Variants in DDX10 observed in about 807,000 individuals in gnomAD.
The protein encoded by DDX10 is probable ATP-dependent RNA helicase DDX10.
A neutral mutation model predicts 104.3 loss-of-function variants in DDX10; 74 were observed. That is an observed-to-expected ratio of 0.71 (90% CI 0.59 to 0.86). The LOEUF (loss-of-function observed/expected upper bound fraction) is 0.86. Ranked by LOEUF, DDX10 falls within the 40% of genes least tolerant of loss-of-function variation. DDX10 has a pLI of 0.00. For synonymous variants in DDX10, 351 were observed against 353.4 expected (o/e 0.99, Z 0.08); for missense variants, 952 against 1,040.0 (o/e 0.92, Z 1.16).
At chr11:108,861,578 G>T (rs551789690) in intron 16 of DDX10, among the ~76,000 whole-genome samples, 1 of 152,068 alleles carries the variant, frequency 6.6e-6, no homozygotes, top group Non-Finnish European at 1.5e-5. Context: ...TTACATAAAG[G>T]TTTTTTTGTA....
At chr11:108,799,664 G>A (rs1861992425) in intron 13 of DDX10, among the ~76,000 whole-genome samples, 1 of 152,136 alleles carries the variant, frequency 6.6e-6, no homozygotes, top group African/African-American at 2.4e-5. Flanking sequence ...GTCTGAGTTT[G>A]TTTCCTTCTT....
chr11:108,791,330 G>T (rs1272531273), intron 13 of DDX10, among the ~76,000 whole-genome samples: 1 of 152,208 alleles, frequency 6.6e-6, no homozygotes, highest in Non-Finnish European at 1.5e-5. Flanking sequence ...ATGCTGTGTG[G>T]ATTATGGAGA....
At chr11:108,772,748 G>A (rs1398225689) in intron 13 of DDX10, among the ~76,000 whole-genome samples, 4 of 152,208 alleles carry the variant, frequency 2.6e-5, no homozygotes, top group Non-Finnish European at 4.4e-5. Context: ...ATCAGCAGCG[G>A]CATTAGATTC....
intron 17 of DDX10, among the ~76,000 whole-genome samples, chr11:108,934,708 A>G (rs935040091): frequency 1.5e-4 from 23 of 152,268 alleles, no homozygotes. Context: ...CTGTCCATTG[A>G]CAGGGCGTTA....
At chr11:108,671,558 ACT>A (rs1408448942) in intron 1 of DDX10, among the ~76,000 whole-genome samples, 1 of 151,968 alleles carries the variant, frequency 6.6e-6, no homozygotes, top group Non-Finnish European at 1.5e-5. Flanking sequence ...GGGTCAGCAA[ACT>A]CTTTTTCTGT....
rs1367210027 is a variant in DDX10, at chr11:108,718,968, C to T, written c.1411-829C>T. On this transcript the variant is annotated intron_variant, in intron 11 of 17. Transcript: ENST00000322536. Reference sequence around the variant, plus strand: ...ACATGAAGTTTAGGAAGTATGCAAACAGGAACTAAATATACTTTACAAAAG... The same window carrying T: ...ACATGAAGTTTAGGAAGTATGCAAATAGGAACTAAATATACTTTACAAAAG... Among the ~76,000 whole-genome samples, 4 of 152,162 alleles carry T rather than the reference C, an allele frequency of 2.6e-5. No individual in the cohort carries two copies. In the East Asian group the frequency reaches 7.7e-4, roughly 29 times the overall value.
chr11:108,728,504 CTTTTTTTTTTTTTTT>C (rs71050884), intron 13 of DDX10, among the ~76,000 whole-genome samples: 1,355 of 121,804 alleles, frequency 0.011, 13 homozygotes, highest in Non-Finnish European at 0.016. Context: ...CACATTTGTT[CTTTTTTTTTTTTTTT>C]TTTTTTTTTT....
At chr11:108,901,524 A>G (rs71489928) in intron 16 of DDX10, among the ~76,000 whole-genome samples, 19,326 of 152,184 alleles carry the variant, frequency 0.13, 1,442 homozygotes, top group East Asian at 0.25. Context: ...CCTGCATCCT[A>G]GAGTACAGAT....
chr11:108,770,996 G>A (rs527285925), intron 13 of DDX10, among the ~76,000 whole-genome samples: 16 of 151,992 alleles, frequency 1.1e-4, no homozygotes, highest in South Asian at 4.2e-4. Context: ...TTTTCTCCAC[G>A]TCCTCACCAG....
chr11:108,770,170 G>A (rs1193347659), intron 13 of DDX10, among the ~76,000 whole-genome samples: 5 of 152,136 alleles, frequency 3.3e-5, no homozygotes, highest in South Asian at 2.1e-4. Flanking sequence ...TTGTGGGTAC[G>A]TAGGTGCATA....
In DDX10 at chr11:108,902,489, A is replaced by T. The variant is rs556668585; in HGVS notation, c.2305-15384A>T. ...TATAAACTATGTCATTGAGAAAGTT[A>T]TTTGGCCCCTTTAAATCTCAGTTTT... On this transcript the variant is annotated intron_variant, in intron 16 of 17. Coordinates refer to ENST00000322536, the MANE Select transcript of DDX10 (RefSeq NM_004398.4). Among the ~76,000 whole-genome samples the T allele has an allele frequency of 2.6e-5, 4 of 152,158 alleles. No homozygotes were observed. In the South Asian group the frequency reaches 8.3e-4, roughly 31 times the overall value.
intron 13 of DDX10, among the ~76,000 whole-genome samples, chr11:108,818,749 C>G (rs1032382137): frequency 1.4e-4 from 21 of 152,180 alleles, no homozygotes; most frequent in African/African-American, 4.1e-4. Flanking sequence ...AACATACTAA[C>G]TTGGAAATGA....
chr11:108,861,263 G>C (rs1053198825), intron 16 of DDX10, among the ~76,000 whole-genome samples: 1 of 152,030 alleles, frequency 6.6e-6, no homozygotes, highest in Non-Finnish European at 1.5e-5. Context: ...TGCCCTGGAC[G>C]TGCCTGCCTA....
intron 13 of DDX10, among the ~76,000 whole-genome samples, chr11:108,802,481 C>T (rs2615761): frequency 0.12 from 18,583 of 152,122 alleles, 1,544 homozygotes; most frequent in East Asian, 0.27. Flanking sequence ...AAAGGTGAGG[C>T]GTCTAATGTC....
chr11:108,863,497 T>G (rs1485564802), intron 16 of DDX10, among the ~76,000 whole-genome samples: 1 of 152,250 alleles, frequency 6.6e-6, no homozygotes, highest in Non-Finnish European at 1.5e-5. Context: ...TTTTATTTCA[T>G]AAAATTATCT....
chr11:108,748,987 G>A (rs1246956775), intron 13 of DDX10, among the ~76,000 whole-genome samples: 1 of 151,818 alleles, frequency 6.6e-6, no homozygotes, highest in African/African-American at 2.4e-5. Flanking sequence ...AAATACTGGG[G>A]CAGTAGAATA....
intron 13 of DDX10, among the ~76,000 whole-genome samples, chr11:108,810,145 A>G (rs1283570565): frequency 1.3e-5 from 2 of 152,204 alleles, no homozygotes; most frequent in Non-Finnish European, 2.9e-5. Context: ...CACTACAAGT[A>G]TAATATAATA....
At chr11:108,773,333 A>G (rs1000999902) in intron 13 of DDX10, among the ~76,000 whole-genome samples, 1 of 152,184 alleles carries the variant, frequency 6.6e-6, no homozygotes, top group African/African-American at 2.4e-5. Context: ...ACAATTGGCT[A>G]TTGATTTTAG....
At chr11:108,786,154 T>C (rs1861787248) in intron 13 of DDX10, among the ~76,000 whole-genome samples, 1 of 152,116 alleles carries the variant, frequency 6.6e-6, no homozygotes, top group South Asian at 2.1e-4. Flanking sequence ...GTTTTTGTGT[T>C]ATTTTTGAGA....
Sources: allele counts gnomAD v4.1 joint callset (sites outside exome capture counted in the v4.1 genomes callset), GRCh38; gene constraint gnomAD v4.1.1; transcripts MANE v1.5; gene names NCBI Gene and HGNC (gene_info 2026-07-23, HGNC 2026-07-21).